The following PRKCE variants were observed in gnomAD, a reference collection of about 807,000 sequenced individuals.
PRKCE encodes the protein protein kinase C epsilon type.
Under a neutral mutation model 85.4 loss-of-function variants are expected in PRKCE, and 16 were observed. That is an observed-to-expected ratio of 0.19 (90% CI 0.13 to 0.28). The LOEUF is 0.28. Among genes scored for constraint, PRKCE ranks in the 10% least tolerant of loss-of-function variants. The probability of loss-of-function intolerance (pLI) is 1.00; values close to 1 mark genes in which losing one functional copy is unlikely to be tolerated. For missense variants in PRKCE, 573 were observed against 975.2 expected, an observed-to-expected ratio of 0.59 and a Z score of 5.49; for synonymous variants, 388 against 371.5, an observed-to-expected ratio of 1.04 and a Z score of -0.51.
At chr2:45,974,583 G>A (rs61763791) in intron 2 of PRKCE, among the ~76,000 whole-genome samples, 176 of 152,278 alleles carry the variant, frequency 1.2e-3, no homozygotes, top group Middle Eastern at 6.8e-3. Flanking sequence ...GGAAGCACAC[G>A]CTGCGCATTT....
chr2:46,080,978 C>CACACACAT (rs1419968987), intron 10 of PRKCE, among the ~76,000 whole-genome samples: 2 of 148,370 alleles, frequency 1.3e-5, no homozygotes, highest in East Asian at 3.9e-4. Context: ...TGCATACACA[C>CACACACAT]ACACACACAC....
At chr2:45,839,205 C>T (rs1013105831) in intron 1 of PRKCE, among the ~76,000 whole-genome samples, 3 of 151,982 alleles carry the variant, frequency 2.0e-5, no homozygotes, top group African/African-American at 7.3e-5. Context: ...TCATGACAAC[C>T]CATTTCACGG....
chr2:45,806,945 G>T (rs546605734), intron 1 of PRKCE, among the ~76,000 whole-genome samples: 84 of 152,272 alleles, frequency 5.5e-4, no homozygotes, highest in African/African-American at 1.9e-3. Context: ...AGGATGTTTT[G>T]CCTAGAGAGC....
chr2:45,929,348 C>T (rs542386063), intron 2 of PRKCE, among the ~76,000 whole-genome samples: 3 of 152,320 alleles, frequency 2.0e-5, no homozygotes, highest in Admixed American at 1.3e-4. Flanking sequence ...CCGTTCCTCC[C>T]GGCGGAAGAT....
intron 1 of PRKCE, among the ~76,000 whole-genome samples, chr2:45,812,455 C>T (rs1226803884): frequency 6.6e-6 from 1 of 152,146 alleles, no homozygotes; most frequent in Non-Finnish European, 1.5e-5. Flanking sequence ...CCATAGAAGG[C>T]AGCAGAATGT....
chr2:45,674,314 C>T (rs556968942), intron 1 of PRKCE, among the ~76,000 whole-genome samples: 30 of 152,242 alleles, frequency 2.0e-4, no homozygotes, highest in Middle Eastern at 3.4e-3. Flanking sequence ...AAGACTGGTG[C>T]TTTAGAAGAG....
chr2:45,980,432 C>T lies in PRKCE; in HGVS notation c.693+51C>T, dbSNP rs78545113. ...TGGGCTTCTTCACCGCCAGCCCCTC[C>T]CTTCACTGCCTCTTCTGTGGTTCCC... On this transcript the variant is annotated intron_variant, in intron 5 of 14. Coordinates refer to ENST00000306156, the MANE Select transcript of PRKCE (RefSeq NM_005400.3). The T allele has an allele frequency of 3.4e-4, 505 of 1,493,944 alleles. No homozygotes were observed. In the Middle Eastern group the frequency reaches 6.3e-3, roughly 19 times the overall value. The allele number at this position is 1,493,944 out of a possible 1,614,324, so 92.5% of individuals were successfully genotyped here.
At chr2:45,943,895 G>A (rs1164161056) in intron 2 of PRKCE, among the ~76,000 whole-genome samples, 2 of 152,176 alleles carry the variant, frequency 1.3e-5, no homozygotes, top group South Asian at 4.1e-4. Context: ...CATCAACGCA[G>A]GATTGTTTAA....
chr2:45,659,605 C>T (rs1051784901), intron 1 of PRKCE, among the ~76,000 whole-genome samples: 3 of 152,174 alleles, frequency 2.0e-5, no homozygotes, highest in African/African-American at 7.2e-5. Flanking sequence ...ACTCTTCTCC[C>T]TGTTCATTCC....
intron 10 of PRKCE, among the ~76,000 whole-genome samples, chr2:46,018,154 C>T (rs1008583943): frequency 3.3e-5 from 5 of 152,112 alleles, no homozygotes; most frequent in Non-Finnish European, 5.9e-5. Flanking sequence ...TTTCTGAAAG[C>T]GTAAGAGAGA....
chr2:45,943,601 C>T (rs1700034992), intron 2 of PRKCE, among the ~76,000 whole-genome samples: 1 of 151,578 alleles, frequency 6.6e-6, no homozygotes, highest in African/African-American at 2.4e-5. Flanking sequence ...TTTCCAGAGC[C>T]TTTTTTTTTC....
intron 14 of PRKCE, among the ~76,000 whole-genome samples, chr2:46,173,811 C>T (rs1387022932): frequency 6.6e-6 from 1 of 152,260 alleles, no homozygotes; most frequent in African/African-American, 2.4e-5. Context: ...GTTGGCTGAA[C>T]TCCTTTGATC....
intron 10 of PRKCE, among the ~76,000 whole-genome samples, chr2:46,045,042 C>T (rs1037845154): frequency 6.6e-6 from 1 of 152,162 alleles, no homozygotes; most frequent in Non-Finnish European, 1.5e-5. Flanking sequence ...AGTTAAAGAG[C>T]ATTTTTTAAG....
chr2:45,896,514 C>G (rs1004353685), intron 2 of PRKCE, among the ~76,000 whole-genome samples: 2 of 152,152 alleles, frequency 1.3e-5, no homozygotes, highest in Admixed American at 1.3e-4. Flanking sequence ...CTGAACTTCT[C>G]TTTTCTGACT....
chr2:45,852,543 AGG>A (rs1199397037), intron 2 of PRKCE, among the ~76,000 whole-genome samples: 1 of 152,210 alleles, frequency 6.6e-6, no homozygotes, highest in East Asian at 1.9e-4. Context: ...CCTGCCCTCT[AGG>A]AGCTCTCAAG....
At chr2:46,126,664 T>C (rs1673896114) in intron 11 of PRKCE, among the ~76,000 whole-genome samples, 1 of 152,230 alleles carries the variant, frequency 6.6e-6, no homozygotes, top group Non-Finnish European at 1.5e-5. Flanking sequence ...GTAATTCTTT[T>C]TTAGCTTTCT....
intron 6 of PRKCE, among the ~76,000 whole-genome samples, chr2:45,995,930 C>T (rs376780460): frequency 2.6e-5 from 4 of 152,172 alleles, no homozygotes; most frequent in African/African-American, 9.6e-5. Flanking sequence ...ATTAAGGTTG[C>T]GTTGAATATA....
chr2:46,165,318 G>A (rs953093191), intron 14 of PRKCE, among the ~76,000 whole-genome samples: 1 of 152,178 alleles, frequency 6.6e-6, no homozygotes, highest in Non-Finnish European at 1.5e-5. Flanking sequence ...CTGAGTTTGT[G>A]CAAGTGATGT....
intron 6 of PRKCE, among the ~76,000 whole-genome samples, chr2:45,994,791 G>T (rs1704087255): frequency 6.6e-6 from 1 of 152,114 alleles, no homozygotes; most frequent in Non-Finnish European, 1.5e-5. Context: ...CACCTCATTT[G>T]GGTAAATATC....
Sources: allele counts gnomAD v4.1 joint callset (sites outside exome capture counted in the v4.1 genomes callset), GRCh38; gene constraint gnomAD v4.1.1; transcripts MANE v1.5; gene names NCBI Gene and HGNC (gene_info 2026-07-23, HGNC 2026-07-21).